The following ABCG2 variants were observed in gnomAD, a reference collection of about 807,000 sequenced individuals.
ABCG2 encodes broad substrate specificity ATP-binding cassette transporter ABCG2.
Under a neutral mutation model 73.5 loss-of-function variants are expected in ABCG2, and 80 were observed. The ratio of observed to expected loss-of-function variants is 1.09; its 90% CI spans 0.91 to 1.31. ABCG2 has a LOEUF of 1.31. Among genes scored for constraint, ABCG2 ranks in the 50% most tolerant of loss-of-function variants. The pLI is 0.00. For synonymous variants in ABCG2, 269 were observed against 282.4 expected (o/e 0.95, Z 0.48); for missense variants, 796 against 786.2 (o/e 1.01, Z -0.15).
rs1231948489 is a variant in ABCG2 at position 88,127,442 on chromosome 4, C to CA, written c.531+3618dup. 2.6e-4 allele frequency among the ~76,000 whole-genome samples: 40 copies of CA among 151,438 alleles called. No individual in the cohort carries two copies. The South Asian group carries it at 7.9e-3, about 30-fold the overall frequency. On this transcript the variant is annotated intron_variant, in intron 5 of 15. Transcript: ENST00000237612. ...ACTACTTTAAATTTCATATGGAACC[C>CA]AAAAAAAAGCCTGTATAGCCAAGAC...
At position 88,193,997 on chromosome 4, in the gene ABCG2, G is replaced by A. The variant is rs548199950; in HGVS notation, c.-20+36997C>T. Among the ~76,000 whole-genome samples the A allele has an allele frequency of 1.4e-4, 21 of 152,158 alleles. No individual in the cohort carries two copies. In the South Asian group the frequency reaches 1.5e-3, roughly 11 times the overall value. On this transcript the variant is annotated intron_variant, in intron 1 of 15. Coordinates refer to the ABCG2 transcript ENST00000515655. ...TGACCTCACATGATCTGCCCACCTC[G>A]GCCTCCCAACCTAATGGGATTACAG...
rs150450599 is a variant in ABCG2, at chr4:88,131,118, G to T, written c.474C>A (p.Asn158Lys). ...LATTMTNHEK[N>K]ERINRVIQEL... ...CTTGAATGACCCTGTTAATCCGTTC[G>T]TTTTTTTCATGATTCGTCATAGTTG... The change falls in exon 5 of 16, where the codon AAC (asparagine) becomes AAA (lysine). Residue 158 changes from asparagine to lysine, a missense_variant. Asn to Lys is a moderately conservative substitution (Grantham distance 94, BLOSUM62 0). Transcript: ENST00000237612. 6.2e-7 allele frequency: 1 copy of T among 1,613,688 alleles called. No individual in the cohort carries two copies. Among genetic ancestry groups the T allele is most frequent in the Non-Finnish European group, 8.5e-7 (1 of 1,179,970 alleles).
chr4:88,122,239 A>G (rs146625713), intron 5 of ABCG2, among the ~76,000 whole-genome samples: 2 of 152,188 alleles, frequency 1.3e-5, no homozygotes, highest in East Asian at 3.9e-4. Flanking sequence ...CTGGGTGGCC[A>G]TTTGGGCAGA....
intron 9 of ABCG2, among the ~76,000 whole-genome samples, chr4:88,108,057 T>G (rs749554882): frequency 1.3e-5 from 2 of 152,224 alleles, no homozygotes; most frequent in Non-Finnish European, 2.9e-5. Context: ...TCTTCACCAC[T>G]CAATTGATTT....
Position 88,090,700 on chromosome 4 carries a change from T to C in ABCG2, c.*1534A>G, listed in dbSNP as rs1008744028. On this transcript the variant is annotated 3_prime_UTR_variant, in exon 16 of 16. Transcript: ENST00000237612. ...GTTAACTCCTGTAAGTGCTGAAAAG[T>C]ATTTACTTTTAAAAAAGAGGGCTAG... The C allele has an allele frequency of 6.6e-6, 1 of 152,146 alleles. No homozygotes were observed. Among genetic ancestry groups the C allele is most frequent in the African/African-American group, 2.4e-5 (1 of 41,424 alleles). 9.4% of individuals were successfully genotyped at this position (152,146 alleles called of 1,614,324 possible).
intron 1 of ABCG2, among the ~76,000 whole-genome samples, chr4:88,171,289 A>G (rs927032350): frequency 2.6e-5 from 4 of 151,166 alleles, no homozygotes; most frequent in East Asian, 3.9e-4. Context: ...AAAAAAAAAA[A>G]AGAAAGGTTA....
At chr4:88,140,883 A>G (rs1192660291) in intron 1 of ABCG2, among the ~76,000 whole-genome samples, 2 of 152,194 alleles carry the variant, frequency 1.3e-5, no homozygotes, top group African/African-American at 4.8e-5. Flanking sequence ...TAGGTACGAA[A>G]ATCATTAAGT....
chr4:88,146,148 A>C (rs1005624160), intron 1 of ABCG2, among the ~76,000 whole-genome samples: 2 of 152,160 alleles, frequency 1.3e-5, no homozygotes, highest in Non-Finnish European at 2.9e-5. Flanking sequence ...CATGGATGAC[A>C]AACCTGCCCA....
At chr4:88,172,807 T>C (rs1469390173) in intron 1 of ABCG2, among the ~76,000 whole-genome samples, 3 of 152,110 alleles carry the variant, frequency 2.0e-5, no homozygotes, top group Non-Finnish European at 2.9e-5. Flanking sequence ...GGGGTTTTTT[T>C]CTGGCTTGCC....
In ABCG2 at chr4:88,097,543, T is replaced by C; in HGVS notation, c.1557A>G (p.Ser519=). The C allele has an allele frequency of 6.2e-7, 1 of 1,614,172 alleles. No individual in the cohort carries two copies. Among genetic ancestry groups the C allele is most frequent in the Non-Finnish European group, 8.5e-7 (1 of 1,179,982 alleles). ...CTATGGCCAGTGCCATGGAACTGGCTGAATAAGCCACCATCATAAGGGTAA... is the reference window on the plus strand; with the variant it reads ...CTATGGCCAGTGCCATGGAACTGGCCGAATAAGCCACCATCATAAGGGTAA... ...MMFTLMMVAY[S]ASSMALAIAA... is the part of the protein sequence containing the mutation. The change falls in exon 13 of 16, where the codon TCA becomes TCG. Residue 519 remains serine, a synonymous_variant. Transcript: ENST00000237612.
chr4:88,092,489 A>G, intron 15 of ABCG2, 108 bp from the exon 16 acceptor site: 1 of 1,155,700 alleles, frequency 8.7e-7, no homozygotes. Context: ...CAAGCCTTTA[A>G]TAATTACCCC....
At chr4:88,094,782 A>G in intron 14 of ABCG2, 123 bp from the exon 15 acceptor site, 2 of 777,260 alleles carry the variant, frequency 2.6e-6, no homozygotes, top group Non-Finnish European at 4.2e-6. Context: ...ACATATTCAC[A>G]GTCTTTGTCT....
chr4:88,151,271 C>A (rs1726458404), intron 1 of ABCG2, among the ~76,000 whole-genome samples: 1 of 152,048 alleles, frequency 6.6e-6, no homozygotes, highest in African/African-American at 2.4e-5. Flanking sequence ...ATCCTAAGTC[C>A]CCAGGGGGAA....
intron 1 of ABCG2, among the ~76,000 whole-genome samples, chr4:88,143,400 G>A (rs939656783): frequency 1.3e-5 from 2 of 152,162 alleles, no homozygotes; most frequent in Non-Finnish European, 2.9e-5. Flanking sequence ...GACTTCTTAA[G>A]AGTATCAAAT....
At chr4:88,176,225 A>T (rs1727968524) in intron 1 of ABCG2, among the ~76,000 whole-genome samples, 1 of 151,290 alleles carries the variant, frequency 6.6e-6, no homozygotes. Context: ...GAACTCCTGG[A>T]ATCAAGCAAT....
intron 1 of ABCG2, chr4:88,206,298 T>G (rs577719750): frequency 6.6e-6 from 1 of 152,202 alleles, no homozygotes; most frequent in South Asian, 2.1e-4. Flanking sequence ...AAAAAATAAA[T>G]GAATCAAGTC....
At chr4:88,142,861 T>C (rs946864694) in intron 1 of ABCG2, among the ~76,000 whole-genome samples, 1 of 151,952 alleles carries the variant, frequency 6.6e-6, no homozygotes, top group African/African-American at 2.4e-5. Flanking sequence ...GGCAGGAGGA[T>C]CACTTGAGCC....
rs2110036834 is a variant in ABCG2, at chr4:88,129,362, T to A, written c.531+1699A>T. 1.3e-5 allele frequency among the ~76,000 whole-genome samples: 2 copies of A among 152,266 alleles called. 1 individual carries two copies. Among genetic ancestry groups the A allele is most frequent in the South Asian group, 4.2e-4 (2 of 4,814 alleles). ...TCTACATTTCTGTTATGTTTAAAAT[T>A]TCACAAAAAGTAACATATTTTAAAT... On this transcript the variant is annotated intron_variant, in intron 5 of 15. Transcript: ENST00000237612.
chr4:88,151,717 C>T (rs982380903), intron 1 of ABCG2, among the ~76,000 whole-genome samples: 10 of 146,504 alleles, frequency 6.8e-5, no homozygotes, highest in South Asian at 2.2e-4. Context: ...CCAGCCTGGG[C>T]GACAGAGTGA....
Sources: gnomAD v4.1 joint callset for allele counts (sites outside exome capture counted in the v4.1 genomes callset) on GRCh38, gnomAD v4.1.1 for gene constraint, MANE v1.5 for transcripts, NCBI Gene and HGNC (gene_info 2026-07-23, HGNC 2026-07-21) for gene names.